SLC35F3: variants seen among roughly 807,000 people sequenced by gnomAD.
SLC35F3 encodes the protein putative thiamine transporter SLC35F3.
Under a neutral mutation model 49.9 loss-of-function variants are expected in SLC35F3, and 25 were observed. That is an observed-to-expected ratio of 0.50 (90% CI 0.37 to 0.70). The LOEUF is 0.70. Among genes scored for constraint, SLC35F3 ranks in the 30% least tolerant of loss-of-function variants. The pLI is 0.00. For synonymous variants in SLC35F3, 275 were observed against 265.4 expected (o/e 1.04, Z -0.35); for missense variants, 525 against 639.8 (o/e 0.82, Z 1.94).
intron 2 of SLC35F3, among the ~76,000 whole-genome samples, chr1:233,932,767 T>C (rs1571985268): frequency 1.3e-5 from 2 of 152,138 alleles, no homozygotes; most frequent in Admixed American, 1.3e-4. Context: ...AACCGGAAAA[T>C]GAGAACTCTG....
rs1446348843 is a variant in SLC35F3 at position 233,925,194 on chromosome 1, CTT to C, written c.283+19438_283+19439del. Among the ~76,000 whole-genome samples the C allele has an allele frequency of 9.2e-5, 14 of 151,996 alleles. No individual in the cohort carries two copies. In the East Asian group the frequency reaches 2.5e-3, roughly 27 times the overall value. The stretch of plus-strand genomic sequence containing the variant: ...TTCAAGTCCTGGATATCCTTGTTAA[CTT>C]TCTGTCTCGTTGATCTGTCTAATAT... On this transcript the variant is annotated intron_variant, in intron 2 of 7. Transcript: ENST00000366618.
chr1:233,910,623 G>T (rs544663461), intron 2 of SLC35F3, among the ~76,000 whole-genome samples: 1 of 152,168 alleles, frequency 6.6e-6, no homozygotes, highest in Admixed American at 6.5e-5. Context: ...TTCCCTTTCC[G>T]AAAGGTTTCC....
intron 2 of SLC35F3, among the ~76,000 whole-genome samples, chr1:233,996,260 T>A (rs980116725): frequency 3.3e-5 from 5 of 152,160 alleles, no homozygotes; most frequent in African/African-American, 1.2e-4. Context: ...GCATTTACAT[T>A]GTGTTAGAGA....
At chr1:233,991,648 T>G (rs904904461) in intron 2 of SLC35F3, among the ~76,000 whole-genome samples, 1 of 152,114 alleles carries the variant, frequency 6.6e-6, no homozygotes, top group Non-Finnish European at 1.5e-5. Context: ...GTTTTTTACT[T>G]ATGACCACTA....
chr1:233,940,369 C>CACAGAGAG (rs1275705770), intron 2 of SLC35F3, among the ~76,000 whole-genome samples: 1 of 146,868 alleles, frequency 6.8e-6, no homozygotes, highest in African/African-American at 2.5e-5. Context: ...CACACACACA[C>CACAGAGAG]AGAGAGAGAG....
chr1:234,128,676 G>T (rs754179714), intron 2 of SLC35F3, among the ~76,000 whole-genome samples: 1 of 152,188 alleles, frequency 6.6e-6, no homozygotes, highest in Non-Finnish European at 1.5e-5. Flanking sequence ...TTAAGAAAAG[G>T]CATGGGTATG....
chr1:234,285,703 G>A (rs1276091098), intron 3 of SLC35F3, among the ~76,000 whole-genome samples: 1 of 152,220 alleles, frequency 6.6e-6, no homozygotes, highest in South Asian at 2.1e-4. Flanking sequence ...ATTAGTAGGA[G>A]GCAGCTCACG....
chr1:234,049,767 C>T (rs2102856909), intron 2 of SLC35F3, among the ~76,000 whole-genome samples: 1 of 152,250 alleles, frequency 6.6e-6, no homozygotes, highest in Non-Finnish European at 1.5e-5. Flanking sequence ...AGGTGTATCT[C>T]CTAATGCTAT....
intron 2 of SLC35F3, among the ~76,000 whole-genome samples, chr1:234,155,792 A>AAAAAAC: frequency 6.6e-6 from 1 of 150,974 alleles, no homozygotes; most frequent in East Asian, 2.0e-4. Flanking sequence ...CAAAAAAAAA[A>AAAAAAC]CCCCAAAAAC....
At chr1:234,106,045 C>G (rs951857569) in intron 2 of SLC35F3, among the ~76,000 whole-genome samples, 1 of 152,206 alleles carries the variant, frequency 6.6e-6, no homozygotes, top group Admixed American at 6.5e-5. Context: ...GAGTGTGAGA[C>G]AAGCCTTTGT....
chr1:234,274,320 C>T (rs1668162184), intron 3 of SLC35F3: 1 of 152,134 alleles, frequency 6.6e-6, no homozygotes, highest in African/African-American at 2.4e-5. Flanking sequence ...GTGGATTGTT[C>T]GTTGCCTTCT....
At chr1:234,098,752 G>C (rs1313285038) in intron 2 of SLC35F3, among the ~76,000 whole-genome samples, 1 of 151,050 alleles carries the variant, frequency 6.6e-6, no homozygotes, top group East Asian at 1.9e-4. Flanking sequence ...ATAGGGTGAT[G>C]GTGGTGACTG....
chr1:234,084,265 A>G (rs1664928433), intron 2 of SLC35F3, among the ~76,000 whole-genome samples: 1 of 151,836 alleles, frequency 6.6e-6, no homozygotes, highest in Admixed American at 6.6e-5. Flanking sequence ...TTGTGTGTAG[A>G]GAGGAGGGCA....
chr1:234,265,659 ATTC>A (rs1667967995), intron 3 of SLC35F3, among the ~76,000 whole-genome samples: 1 of 151,772 alleles, frequency 6.6e-6, no homozygotes, highest in South Asian at 2.1e-4. Flanking sequence ...AGCGTTCTCC[ATTC>A]TTCTTTCCTT....
chr1:234,313,375 G>T (rs943446074), intron 4 of SLC35F3, among the ~76,000 whole-genome samples: 1 of 152,204 alleles, frequency 6.6e-6, no homozygotes, highest in African/African-American at 2.4e-5. Flanking sequence ...GCCTGGGTGC[G>T]TGGGACTCAG....
At chr1:234,277,398 A>C (rs1668229208) in intron 3 of SLC35F3, among the ~76,000 whole-genome samples, 1 of 152,246 alleles carries the variant, frequency 6.6e-6, no homozygotes, top group South Asian at 2.1e-4. Flanking sequence ...CTCACCAAAC[A>C]GCCGTGTGCT....
intron 3 of SLC35F3, among the ~76,000 whole-genome samples, chr1:234,257,183 T>A (rs1481461787): frequency 1.3e-5 from 2 of 152,232 alleles, no homozygotes; most frequent in Non-Finnish European, 2.9e-5. Flanking sequence ...TGTCACCTTA[T>A]GCTTGACTTT....
At chr1:234,128,079 G>A (rs1048604879) in intron 2 of SLC35F3, among the ~76,000 whole-genome samples, 21 of 152,160 alleles carry the variant, frequency 1.4e-4, no homozygotes, top group African/African-American at 4.6e-4. Flanking sequence ...GTTAAGTGCC[G>A]GCTGCGTCTT....
In SLC35F3 at chr1:234,247,435, G is replaced by A. The variant is rs879800286; in HGVS notation, c.608+15694G>A. Among the ~76,000 whole-genome samples the A allele has an allele frequency of 4.8e-3, 735 of 152,144 alleles. 1 individual carries two copies. Among genetic ancestry groups the A allele is most frequent in the Non-Finnish European group, 7.8e-3 (528 of 67,964 alleles). On this transcript the variant is annotated intron_variant, in intron 3 of 7. Transcript: ENST00000366618. ...CATTGTTTGGTGGGTTGGTTGGTTGGTCCATTGTTTGGTGGGTTGGTTGGT... is the reference window on the plus strand; with the variant it reads ...CATTGTTTGGTGGGTTGGTTGGTTGATCCATTGTTTGGTGGGTTGGTTGGT...
Sources: allele counts gnomAD v4.1 joint callset (sites outside exome capture counted in the v4.1 genomes callset), GRCh38; gene constraint gnomAD v4.1.1; transcripts MANE v1.5; gene names NCBI Gene and HGNC (gene_info 2026-07-23, HGNC 2026-07-21).